The following CRPPA variants were observed in gnomAD, a reference collection of about 807,000 sequenced individuals.
CRPPA encodes the protein CDP-L-ribitol pyrophosphorylase A.
Under a neutral mutation model 52.0 loss-of-function variants are expected in CRPPA, and 43 were observed. That is an observed-to-expected ratio of 0.83 (90% CI 0.65 to 1.07). The LOEUF (loss-of-function observed/expected upper bound fraction) is 1.07, where lower values mean the gene tolerates loss of function less well. Among genes scored for constraint, CRPPA ranks in the 50% least tolerant of loss-of-function variants. The pLI, the probability that CRPPA is intolerant of heterozygous loss-of-function variation, is 0.00. For missense variants in CRPPA, 629 were observed against 551.7 expected (o/e 1.14, Z -1.40); for synonymous variants, 250 against 203.5 (o/e 1.23, Z -1.94).
chr7:16,116,304 T>C (rs1193795580), intron 9 of CRPPA, among the ~76,000 whole-genome samples: 2 of 151,940 alleles, frequency 1.3e-5, no homozygotes, highest in African/African-American at 4.8e-5. Context: ...AGCAGAGAAA[T>C]CTAAATGAGG....
At chr7:16,415,302 T>C (rs1788167681) in intron 1 of CRPPA, among the ~76,000 whole-genome samples, 1 of 152,228 alleles carries the variant, frequency 6.6e-6, no homozygotes, top group Non-Finnish European at 1.5e-5. Context: ...GCTACTTTAA[T>C]ATATGGCATG....
intron 8 of CRPPA, among the ~76,000 whole-genome samples, chr7:16,242,717 G>A (rs1358328108): frequency 6.6e-6 from 1 of 152,016 alleles, no homozygotes; most frequent in African/African-American, 2.4e-5. Flanking sequence ...TTCTTCTTAA[G>A]ACATAAGGGA....
At chr7:16,258,053 T>C (rs1783690141) in intron 8 of CRPPA, among the ~76,000 whole-genome samples, 1 of 152,088 alleles carries the variant, frequency 6.6e-6, no homozygotes, top group South Asian at 2.1e-4. Flanking sequence ...TCCCTAATGG[T>C]ATTCTGATAA....
At chr7:16,398,722 C>T (rs984327418) in intron 2 of CRPPA, among the ~76,000 whole-genome samples, 1 of 152,160 alleles carries the variant, frequency 6.6e-6, no homozygotes, top group Non-Finnish European at 1.5e-5. Context: ...GTGGGTGACA[C>T]GTGACCAACA....
chr7:16,286,020 CAAA>C (rs1166330678), intron 5 of CRPPA, among the ~76,000 whole-genome samples: 7 of 7,234 alleles, frequency 9.7e-4, no homozygotes, highest in Non-Finnish European at 1.6e-3. Context: ...AACTCCATCT[CAAA>C]AAAAAAAAAA....
intron 3 of CRPPA, among the ~76,000 whole-genome samples, chr7:16,354,503 C>A (rs17169439): frequency 0.066 from 9,978 of 152,100 alleles, 419 homozygotes; most frequent in East Asian, 0.15. Flanking sequence ...AACACACAGA[C>A]TGCACAAAAT....
chr7:16,154,505 A>C (rs1783136697), intron 9 of CRPPA, among the ~76,000 whole-genome samples: 1 of 151,824 alleles, frequency 6.6e-6, no homozygotes, highest in African/African-American at 2.4e-5. Flanking sequence ...CTTACAGAGA[A>C]GAGTATATCA....
At position 16,343,914 on chromosome 7, in the gene CRPPA, G is replaced by C. The variant is rs979795442; in HGVS notation, c.684+32178C>G. Among the ~76,000 whole-genome samples the C allele has an allele frequency of 2.0e-5, 3 of 152,146 alleles. No individual in the cohort carries two copies. In the South Asian group the frequency reaches 6.2e-4, roughly 32 times the overall value. Reference sequence around the variant, plus strand: ...GGGTGTAACCCTACACATGCATAGAGCCCTTAGGCAAAATATGGGACAGTT... The same window carrying C: ...GGGTGTAACCCTACACATGCATAGACCCCTTAGGCAAAATATGGGACAGTT... On this transcript the variant is annotated intron_variant, in intron 3 of 9. Coordinates refer to ENST00000407010, the MANE Select transcript of CRPPA (RefSeq NM_001101426.4).
intron 2 of CRPPA, among the ~76,000 whole-genome samples, chr7:16,394,919 T>A (rs1417861964): frequency 6.6e-6 from 1 of 152,202 alleles, no homozygotes; most frequent in African/African-American, 2.4e-5. Flanking sequence ...ATGCTCACGT[T>A]AAAAGGCATA....
chr7:16,329,195 C>G (rs988397322), intron 3 of CRPPA, among the ~76,000 whole-genome samples: 9 of 152,156 alleles, frequency 5.9e-5, no homozygotes, highest in Non-Finnish European at 1.5e-5. Context: ...AGACCCCACA[C>G]TAAAACTAAT....
At position 16,210,057 on chromosome 7, in the gene CRPPA, G is replaced by A. The variant is rs374057649; in HGVS notation, c.1251+6009C>T. 3.3e-5 allele frequency among the ~76,000 whole-genome samples: 5 copies of A among 152,124 alleles called. No homozygotes were observed. The South Asian group carries it at 1.0e-3, about 32-fold the overall frequency. On this transcript the variant is annotated intron_variant, in intron 9 of 9. Transcript: ENST00000407010. Reference sequence around the variant, plus strand: ...CAAGCTCTTTAAAAACAATTTTACAGATAATGTAAAAATAAGTTTTGCCTT... The same window carrying A: ...CAAGCTCTTTAAAAACAATTTTACAAATAATGTAAAAATAAGTTTTGCCTT...
At chr7:16,156,651 CATTCTACG>C (rs1163503983) in intron 9 of CRPPA, among the ~76,000 whole-genome samples, 1 of 152,156 alleles carries the variant, frequency 6.6e-6, no homozygotes, top group Non-Finnish European at 1.5e-5. Flanking sequence ...AAGAAAATTC[CATTCTACG>C]TTATGCTGAA....
chr7:16,421,154 C>T lies in CRPPA; in HGVS notation c.169G>A (p.Gly57Arg). Residue 57 changes from glycine to arginine, a missense_variant, in exon 1 of 10, where the codon GGG becomes AGG. Transcript: ENST00000407010. ...VAAVLPAGGC[G>R]ERMGVPTPKQ... ...GGGGTGGGGACCCCCATCCTCTCCC[C>T]GCACCCCCCGGCAGGCAACACAGCT... The T allele has an allele frequency of 7.5e-7, 1 of 1,334,846 alleles. No homozygotes were observed. The highest frequency in any genetic ancestry group is 9.6e-7 in the Non-Finnish European group (1 of 1,037,480). 82.7% of individuals were successfully genotyped at this position (1,334,846 alleles called of 1,614,324 possible).
At chr7:16,377,469 T>C (rs17617508) in intron 2 of CRPPA, among the ~76,000 whole-genome samples, 23,885 of 152,158 alleles carry the variant, frequency 0.16, 2,157 homozygotes, top group Admixed American at 0.2. Context: ...GGGCATGAAG[T>C]TAAAAAATAC....
chr7:16,211,929 T>G (rs1328588518), intron 9 of CRPPA, among the ~76,000 whole-genome samples: 2 of 152,230 alleles, frequency 1.3e-5, no homozygotes, highest in Non-Finnish European at 2.9e-5. Context: ...TGGTTTATAC[T>G]TGTGATACAA....
chr7:16,344,044 T>C (rs1785938986), intron 3 of CRPPA, among the ~76,000 whole-genome samples: 1 of 152,146 alleles, frequency 6.6e-6, no homozygotes, highest in East Asian at 1.9e-4. Flanking sequence ...ACAGACTTTA[T>C]GGAATTAGCT....
intron 5 of CRPPA, among the ~76,000 whole-genome samples, chr7:16,295,689 A>G (rs1784657272): frequency 6.6e-6 from 1 of 152,098 alleles, no homozygotes. Context: ...AGCATACTAA[A>G]TCAAGTGTGG....
intron 9 of CRPPA, among the ~76,000 whole-genome samples, chr7:16,170,734 C>T (rs922799777): frequency 2.0e-5 from 3 of 152,182 alleles, no homozygotes; most frequent in Admixed American, 6.5e-5. Context: ...TGCAGGGAGG[C>T]AGCTGAGGCC....
intron 8 of CRPPA, among the ~76,000 whole-genome samples, chr7:16,240,353 T>A (rs1783070710): frequency 6.6e-6 from 1 of 151,842 alleles, no homozygotes; most frequent in Non-Finnish European, 1.5e-5. Flanking sequence ...TACAAGTAAT[T>A]GTATTTCTGC....
Sources: gnomAD v4.1 joint callset for allele counts (sites outside exome capture counted in the v4.1 genomes callset) on GRCh38, gnomAD v4.1.1 for gene constraint, MANE v1.5 for transcripts, NCBI Gene and HGNC (gene_info 2026-07-23, HGNC 2026-07-21) for gene names.